GAPVD1: variants seen among roughly 807,000 people sequenced by gnomAD.
The protein encoded by GAPVD1 is GTPase activating protein and VPS9 domains 1.
Under a neutral mutation model 155.5 loss-of-function variants are expected in GAPVD1, and 35 were observed. The ratio of observed to expected loss-of-function variants is 0.23; its 90% CI spans 0.17 to 0.30. The LOEUF is 0.30. Ranked by LOEUF, GAPVD1 falls within the 10% of genes least tolerant of loss-of-function variation. The pLI is 1.00. For missense variants in GAPVD1, 1,429 were observed against 1,775.7 expected (o/e 0.80, Z 3.51); for synonymous variants, 636 against 619.7 (o/e 1.03, Z -0.39).
At chr9:125,267,463 A>T (rs1239322720) in intron 1 of GAPVD1, among the ~76,000 whole-genome samples, 2 of 152,118 alleles carry the variant, frequency 1.3e-5, no homozygotes, top group African/African-American at 4.8e-5. Context: ...CTTGTTGCCC[A>T]GGCTGGAGTA....
At chr9:125,299,846 C>T (rs112296885) in intron 4 of GAPVD1, among the ~76,000 whole-genome samples, 1 of 145,674 alleles carries the variant, frequency 6.9e-6, no homozygotes, top group Non-Finnish European at 1.5e-5. Flanking sequence ...TGATGAAACC[C>T]CATCTCTACT....
At chr9:125,286,816 G>T (rs1183128054) in intron 2 of GAPVD1, among the ~76,000 whole-genome samples, 1 of 152,172 alleles carries the variant, frequency 6.6e-6, no homozygotes, top group Non-Finnish European at 1.5e-5. Flanking sequence ...GGGCTCGGTG[G>T]CTCACGCCTG....
chr9:125,324,258 A>G (rs191352460), intron 11 of GAPVD1, among the ~76,000 whole-genome samples: 110 of 152,326 alleles, frequency 7.2e-4, no homozygotes, highest in African/African-American at 2.6e-3. Flanking sequence ...TCATGAAAGT[A>G]TTTGGCAGTT....
At chr9:125,266,627 T>A (rs540497168) in intron 1 of GAPVD1, among the ~76,000 whole-genome samples, 1 of 152,176 alleles carries the variant, frequency 6.6e-6, no homozygotes, top group Non-Finnish European at 1.5e-5. Flanking sequence ...ATCTATAATT[T>A]CTTTTGAGGA....
intron 2 of GAPVD1, among the ~76,000 whole-genome samples, chr9:125,280,800 C>G (rs184448188): frequency 3.3e-4 from 50 of 152,148 alleles, no homozygotes; most frequent in Non-Finnish European, 5.6e-4. Flanking sequence ...TGGTGTCAAT[C>G]TCCTGACCTT....
At chr9:125,308,002 A>T (rs1842117136) in intron 8 of GAPVD1, 122 bp downstream of exon 8, 1 of 704,462 alleles carries the variant, frequency 1.4e-6, no homozygotes, top group Non-Finnish European at 2.5e-6. Flanking sequence ...CTTCATGTTT[A>T]CTGATGGTAT....
chr9:125,356,128 T>G (rs769084490), intron 25 of GAPVD1, among the ~76,000 whole-genome samples: 1 of 152,180 alleles, frequency 6.6e-6, no homozygotes, highest in Non-Finnish European at 1.5e-5. Context: ...TTCCCTTCCT[T>G]CTCGTGATTA....
At chr9:125,332,241 T>C (rs543707791) in intron 14 of GAPVD1, among the ~76,000 whole-genome samples, 181 bp downstream of exon 14, 2 of 152,370 alleles carry the variant, frequency 1.3e-5, no homozygotes, top group South Asian at 2.1e-4. Flanking sequence ...TTATGGAGCC[T>C]GTTGAAGTAA....
chr9:125,363,518 CAT>C lies in GAPVD1; in HGVS notation c.*773_*774del, dbSNP rs1183025187. 1 of 152,196 alleles carries C rather than the reference CAT, an allele frequency of 6.6e-6. No individual in the cohort carries two copies. Among genetic ancestry groups the C allele is most frequent in the African/African-American group, 2.4e-5 (1 of 41,440 alleles). 9.4% of individuals were successfully genotyped at this position (152,196 alleles called of 1,614,324 possible). On this transcript the variant is annotated 3_prime_UTR_variant, in exon 28 of 28. Coordinates refer to ENST00000297933, the MANE Select transcript of GAPVD1 (RefSeq NM_001282680.3). ...TGTGAAGGTCACTAAGTCACTTAGA[CAT>C]CTCACCGTGGAAGTTTGTGAGCCTG... is the stretch of plus-strand genomic sequence containing the variant.
At chr9:125,356,416 C>A (rs1390423481) in intron 25 of GAPVD1, among the ~76,000 whole-genome samples, 2 of 152,238 alleles carry the variant, frequency 1.3e-5, no homozygotes, top group African/African-American at 4.8e-5. Context: ...TAATACCCCA[C>A]CAGTTGTGAC....
chr9:125,318,274 A>G (rs1471054782), intron 9 of GAPVD1, among the ~76,000 whole-genome samples: 2 of 152,238 alleles, frequency 1.3e-5, no homozygotes, highest in Non-Finnish European at 2.9e-5. Context: ...GGCGTGAGCC[A>G]CTGTGGCCAG....
chr9:125,278,129 G>A (rs946448195), intron 2 of GAPVD1, among the ~76,000 whole-genome samples: 1 of 152,148 alleles, frequency 6.6e-6, no homozygotes, highest in Admixed American at 6.6e-5. Context: ...TAAATAAATC[G>A]TCGTGATTCA....
intron 8 of GAPVD1, chr9:125,309,930 A>T (rs1347736098): frequency 4.3e-6 from 2 of 466,742 alleles, no homozygotes; most frequent in Admixed American, 2.4e-5. Flanking sequence ...GCAACCCAGG[A>T]CAACAGTTAG....
At chr9:125,347,761 A>G (rs899477643) in intron 20 of GAPVD1, among the ~76,000 whole-genome samples, 2 of 151,978 alleles carry the variant, frequency 1.3e-5, no homozygotes, top group African/African-American at 4.8e-5. Context: ...CTGCATAAAT[A>G]TGTGTTTATG....
intron 25 of GAPVD1, 22 bp downstream of exon 25, chr9:125,355,879 G>A (rs973393225): frequency 2.2e-6 from 3 of 1,335,716 alleles, no homozygotes; most frequent in Non-Finnish European, 3.2e-6. Context: ...TATGTTGAGT[G>A]CCTATGTGGA....
chr9:125,302,686 C>T lies in GAPVD1; in HGVS notation c.889C>T (p.Leu297=). ...MYKTLSCVDR[L]EVGEVRAMCT... is the part of the protein sequence containing the mutation. The stretch of plus-strand genomic sequence containing the variant: ...CAAAACCCTCTCCTGTGTAGATAGG[C>T]TGGAAGTTGGGGAGGTCAGGGCAAT... Residue 297 remains leucine (L), a synonymous_variant, in exon 5 of 28, where the codon CTG becomes TTG. Coordinates refer to ENST00000297933, the MANE Select transcript of GAPVD1 (RefSeq NM_001282680.3). 6.2e-7 allele frequency: 1 copy of T among 1,611,808 alleles called. No individual in the cohort carries two copies. Among genetic ancestry groups the T allele is most frequent in the African/African-American group, 1.3e-5 (1 of 74,264 alleles).
rs116160455 is a variant in GAPVD1, at chr9:125,263,146, G to C, written c.-199+1187G>C. On this transcript the variant is annotated intron_variant, in intron 1 of 27. Coordinates refer to ENST00000297933, the MANE Select transcript of GAPVD1 (RefSeq NM_001282680.3). ...AAAGAAATCTGAGAAAGGGACCATA[G>C]GCTTCACCAAACTGCCAATGAGGTC... 5.9e-3 allele frequency among the ~76,000 whole-genome samples: 905 copies of C among 152,292 alleles called. 16 individuals are homozygous for C. The highest frequency in any genetic ancestry group is 0.02 in the African/African-American group (849 of 41,564).
chr9:125,362,504 T>C (rs1851089890), intron 27 of GAPVD1, 102 bp from the exon 28 acceptor site: 2 of 926,094 alleles, frequency 2.2e-6, no homozygotes, highest in Non-Finnish European at 3.2e-6. Context: ...TCAAAAGGAT[T>C]GGTATGTCTT....
At chr9:125,357,201 A>G (rs1340460675) in intron 25 of GAPVD1, among the ~76,000 whole-genome samples, 1 of 152,198 alleles carries the variant, frequency 6.6e-6, no homozygotes, top group Non-Finnish European at 1.5e-5. Flanking sequence ...CTGCGAGACC[A>G]GGAAATAATG....
Sources: allele counts gnomAD v4.1 joint callset (sites outside exome capture counted in the v4.1 genomes callset), GRCh38; gene constraint gnomAD v4.1.1; transcripts MANE v1.5; gene names NCBI Gene and HGNC (gene_info 2026-07-23, HGNC 2026-07-21).